Variants in DCUN1D4 observed in about 807,000 individuals in gnomAD.
DCUN1D4 encodes the protein defective in cullin neddylation 1 domain containing 4.
Under a neutral mutation model 47.9 loss-of-function variants are expected in DCUN1D4, and 22 were observed. The ratio of observed to expected loss-of-function variants is 0.46; its 90% confidence interval spans 0.33 to 0.66. DCUN1D4 has a LOEUF of 0.66. Ranked by LOEUF, DCUN1D4 falls within the 30% of genes least tolerant of loss-of-function variation. The pLI, the probability that DCUN1D4 is intolerant of heterozygous loss-of-function variation, is 0.02. For missense variants in DCUN1D4, 301 were observed against 340.8 expected (o/e 0.88, Z 0.92); for synonymous variants, 121 against 112.2 (o/e 1.08, Z -0.50).
chr4:51,868,731 T>A (rs747223976), intron 3 of DCUN1D4, among the ~76,000 whole-genome samples: 2 of 152,176 alleles, frequency 1.3e-5, no homozygotes, highest in Non-Finnish European at 2.9e-5. Context: ...GCCTTTCTTT[T>A]GTGTGTCACA....
chr4:51,899,176 TCTTTC>T, intron 7 of DCUN1D4, 89 bp from the exon 8 acceptor site: 1 of 1,414,508 alleles, frequency 7.1e-7, no homozygotes, highest in Non-Finnish European at 9.2e-7. Flanking sequence ...AGGGATTTGT[TCTTTC>T]CTTTGGTATT....
intron 1 of DCUN1D4, among the ~76,000 whole-genome samples, chr4:51,860,017 A>G (rs1299013501): frequency 2.6e-5 from 4 of 152,166 alleles, no homozygotes; most frequent in Admixed American, 2.6e-4. Flanking sequence ...TCTACTGTAG[A>G]TTTCAAGGGC....
intron 5 of DCUN1D4, 66 bp downstream of exon 5, chr4:51,877,920 TA>T: frequency 7.1e-6 from 8 of 1,123,552 alleles, no homozygotes; most frequent in Non-Finnish European, 8.9e-6. Context: ...TAGAGATGAT[TA>T]AAGAATTTAA....
chr4:51,911,392 A>G (rs940328202), intron 9 of DCUN1D4, among the ~76,000 whole-genome samples: 1 of 152,180 alleles, frequency 6.6e-6, no homozygotes, highest in Non-Finnish European at 1.5e-5. Flanking sequence ...TTAAAAATGC[A>G]TCCGAAACAG....
rs868150769 is a variant in DCUN1D4 at position 51,844,264 on chromosome 4, G to T, written c.25+997G>T. 4.0e-5 allele frequency: 37 copies of T among 934,196 alleles called. 1 individual carries two copies. The highest frequency in any genetic ancestry group is 1.4e-4 in the African/African-American group (8 of 55,674). The allele number at this position is 934,196 out of a possible 1,614,324, so 57.9% of individuals were successfully genotyped here. A position where few individuals can be genotyped will look rare whatever the true frequency, so the allele number is the denominator to read the frequency against. On this transcript the variant is annotated intron_variant, in intron 1 of 10. Transcript: ENST00000334635. ...GGGAGGTACTTCCTCTCCCTGTCGA[G>T]GCAGGGTCCCTTGAAGGGGGGAGTC... is the stretch of plus-strand genomic sequence containing the variant.
intron 1 of DCUN1D4, among the ~76,000 whole-genome samples, chr4:51,854,595 T>C (rs4865284): frequency 0.88 from 133,276 of 152,274 alleles, 58,535 homozygotes; most frequent in East Asian, 0.95. Flanking sequence ...AGCCAACTTA[T>C]TGAACAAGTT....
intron 8 of DCUN1D4, among the ~76,000 whole-genome samples, chr4:51,907,853 T>A (rs1342956246): frequency 1.3e-5 from 2 of 152,246 alleles, no homozygotes; most frequent in East Asian, 3.8e-4. Flanking sequence ...TGTTTACAGT[T>A]AACTATTTTG....
chr4:51,849,976 C>G (rs1157664074), intron 1 of DCUN1D4, among the ~76,000 whole-genome samples: 1 of 152,062 alleles, frequency 6.6e-6, no homozygotes, highest in Non-Finnish European at 1.5e-5. Flanking sequence ...AAATTATACT[C>G]ATTTTAAGTG....
chr4:51,849,843 G>T (rs925287333), intron 1 of DCUN1D4, among the ~76,000 whole-genome samples: 6 of 57,150 alleles, frequency 1.0e-4, no homozygotes, highest in African/African-American at 5.5e-4. Context: ...ATGTGTGTGT[G>T]TGCGTGCGTG....
intron 8 of DCUN1D4, among the ~76,000 whole-genome samples, chr4:51,908,709 C>T (rs1432721772): frequency 6.6e-6 from 1 of 151,886 alleles, no homozygotes; most frequent in Non-Finnish European, 1.5e-5. Context: ...TCATTGTTGT[C>T]AGAGAACCCC....
intron 5 of DCUN1D4, among the ~76,000 whole-genome samples, chr4:51,880,906 A>C (rs903411324): frequency 1.3e-5 from 2 of 152,124 alleles, no homozygotes; most frequent in Admixed American, 1.3e-4. Context: ...AGGCGGGTGG[A>C]TCATGAGATC....
chr4:51,860,626 A>C (rs1053062141), intron 1 of DCUN1D4: 1 of 455,426 alleles, frequency 2.2e-6, no homozygotes, highest in Non-Finnish European at 4.4e-6. Context: ...GAGAGCAGGC[A>C]CACCACATGG....
intron 1 of DCUN1D4, among the ~76,000 whole-genome samples, chr4:51,856,679 A>T (rs1724193268): frequency 6.6e-6 from 1 of 152,232 alleles, no homozygotes; most frequent in African/African-American, 2.4e-5. Flanking sequence ...GACTCCGCTC[A>T]AGCTAATAAA....
At chr4:51,903,912 A>G (rs1268440892) in intron 8 of DCUN1D4, among the ~76,000 whole-genome samples, 1 of 152,056 alleles carries the variant, frequency 6.6e-6, no homozygotes, top group Non-Finnish European at 1.5e-5. Context: ...GAACATGTTT[A>G]TAGTAGGTAT....
intron 1 of DCUN1D4, chr4:51,844,883 C>G (rs1032672082): frequency 1.0e-6 from 1 of 985,380 alleles, no homozygotes; most frequent in Non-Finnish European, 1.2e-6. Context: ...CCTTCCTGCT[C>G]GGCCAACTCG....
At chr4:51,871,382 A>G (rs184978251) in intron 3 of DCUN1D4, among the ~76,000 whole-genome samples, 119 of 152,372 alleles carry the variant, frequency 7.8e-4, no homozygotes, top group African/African-American at 2.8e-3. Flanking sequence ...AGTAGGATTC[A>G]GTGGAAACCA....
In DCUN1D4 at chr4:51,869,016, G is replaced by A. The variant is rs1430151491; in HGVS notation, c.137-5255G>A. 2.0e-5 allele frequency among the ~76,000 whole-genome samples: 3 copies of A among 151,854 alleles called. No homozygotes were observed. In the East Asian group the frequency reaches 5.8e-4, roughly 29 times the overall value. On this transcript the variant is annotated intron_variant, in intron 3 of 10. Transcript: ENST00000334635. ...GCCTATAATCTCAGCTACTCGGGAG[G>A]CTGAGGCAGGAGAATTGCTTGAATC... is the stretch of plus-strand genomic sequence containing the variant.
chr4:51,867,115 G>A (rs539561710), intron 3 of DCUN1D4, among the ~76,000 whole-genome samples: 2 of 152,360 alleles, frequency 1.3e-5, no homozygotes, highest in South Asian at 2.1e-4. Context: ...CAGCACAGGC[G>A]CCAGTACAGG....
In DCUN1D4 at chr4:51,913,364, C is replaced by T. The variant is rs1733985277; in HGVS notation, c.795C>T (p.Asp265=). Residue 265 remains aspartate (D), a synonymous_variant, in exon 10 of 11, where the codon GAC becomes GAT. Coordinates refer to ENST00000334635, the MANE Select transcript of DCUN1D4 (RefSeq NM_001040402.3). ...VLEFSRTINL[D]LSNYDEDGAW... is the part of the protein sequence containing the mutation. Reference sequence around the variant, plus strand: ...AGTTTAGCAGAACAATTAATCTTGACCTCAGCAACTATGATGAAGATGGAG... The same window carrying T: ...AGTTTAGCAGAACAATTAATCTTGATCTCAGCAACTATGATGAAGATGGAG... 1.2e-6 allele frequency: 2 copies of T among 1,612,518 alleles called. No homozygotes were observed. The highest frequency in any genetic ancestry group is 8.5e-7 in the Non-Finnish European group (1 of 1,179,028).
Sources: allele counts gnomAD v4.1 joint callset (sites outside exome capture counted in the v4.1 genomes callset), GRCh38; gene constraint gnomAD v4.1.1; transcripts MANE v1.5; gene names NCBI Gene and HGNC (gene_info 2026-07-23, HGNC 2026-07-21).